Variants in HECW1 observed in about 807,000 individuals in gnomAD.
HECW1 encodes HECT, C2 and WW domain containing E3 ubiquitin protein ligase 1.
Under a neutral mutation model 182.3 loss-of-function variants are expected in HECW1, and 61 were observed. The ratio of observed to expected loss-of-function variants is 0.33; its 90% CI spans 0.27 to 0.41. The LOEUF (loss-of-function observed/expected upper bound fraction) is 0.41. HECW1 is among the 10% of genes least tolerant of loss of function. HECW1 has a pLI of 1.00. For missense variants in HECW1, 1,739 were observed against 2,108.9 expected (o/e 0.82, Z 3.44); for synonymous variants, 859 against 832.6 (o/e 1.03, Z -0.55).
intron 2 of HECW1, among the ~76,000 whole-genome samples, chr7:43,242,834 G>A (rs1799008811): frequency 6.6e-6 from 1 of 152,174 alleles, no homozygotes; most frequent in South Asian, 2.1e-4. Flanking sequence ...AGGAGCAAGG[G>A]TGCTGCACGG....
At chr7:43,554,261 G>A (rs1475915637) in intron 28 of HECW1, among the ~76,000 whole-genome samples, 1 of 151,678 alleles carries the variant, frequency 6.6e-6, no homozygotes, top group African/African-American at 2.4e-5. Context: ...GTCTCTACCA[G>A]GCCCTTCTAC....
chr7:43,138,285 C>T (rs10224940), intron 2 of HECW1, among the ~76,000 whole-genome samples: 8,735 of 152,250 alleles, frequency 0.057, 864 homozygotes, highest in African/African-American at 0.2. Context: ...TACATTTTCT[C>T]GGCTTATGTA....
At chr7:43,522,474 T>G (rs1433495963) in intron 24 of HECW1, 1 of 152,346 alleles carries the variant, frequency 6.6e-6, no homozygotes, top group Non-Finnish European at 1.5e-5. Flanking sequence ...GCCACACCTC[T>G]GTCTCCAGCC....
rs1223029919 is a variant in HECW1 at position 43,554,770 on chromosome 7, G to A, written c.4689G>A (p.Gly1563=). ...GLRRFCIEKW[G]KITSLPRAHT... The stretch of plus-strand genomic sequence containing the variant: ...GGCGCTTCTGCATAGAGAAATGGGG[G>A]AAAATTACTTCTCTCCCCAGGTACA... The change falls in exon 29 of 30, where the codon GGG becomes GGA. Residue 1563 remains glycine (G), a synonymous_variant. Transcript: ENST00000395891. The A allele has an allele frequency of 5.0e-6, 8 of 1,613,616 alleles. No homozygotes were observed. The highest frequency in any genetic ancestry group is 5.9e-6 in the Non-Finnish European group (7 of 1,179,854).
intron 7 of HECW1, among the ~76,000 whole-genome samples, chr7:43,397,415 T>C (rs2075267145): frequency 6.6e-6 from 1 of 152,238 alleles, no homozygotes; most frequent in South Asian, 2.1e-4. Context: ...CCATCTGTCA[T>C]GCATGTCTGT....
At chr7:43,330,354 G>A (rs769796577) in intron 5 of HECW1, among the ~76,000 whole-genome samples, 5 of 152,234 alleles carry the variant, frequency 3.3e-5, no homozygotes, top group Non-Finnish European at 5.9e-5. Context: ...TCCTCAACCA[G>A]GCAAGAGGCC....
chr7:43,287,921 G>C (rs1184230501), intron 3 of HECW1, among the ~76,000 whole-genome samples: 1 of 152,196 alleles, frequency 6.6e-6, no homozygotes, highest in Non-Finnish European at 1.5e-5. Context: ...AAAGAATAGA[G>C]TTACCATCTA....
At chr7:43,130,076 TA>T (rs1404462578) in intron 2 of HECW1, among the ~76,000 whole-genome samples, 1 of 152,228 alleles carries the variant, frequency 6.6e-6, no homozygotes, top group African/African-American at 2.4e-5. Flanking sequence ...AATCACACCA[TA>T]AATACAATTT....
intron 2 of HECW1, chr7:43,118,614 A>G (rs1345221651): frequency 6.6e-6 from 1 of 152,090 alleles, no homozygotes; most frequent in Non-Finnish European, 1.5e-5. Flanking sequence ...TTTTTTCTTT[A>G]CCGTTATTCA....
intron 3 of HECW1, among the ~76,000 whole-genome samples, chr7:43,293,497 A>G (rs116182372): frequency 1.3e-5 from 2 of 152,132 alleles, no homozygotes; most frequent in Admixed American, 6.5e-5. Flanking sequence ...TTACTTAAGC[A>G]TGGAAAGTTA....
rs749522923 is a variant in HECW1, at chr7:43,563,021, T to C, written c.*1095T>C. Reference sequence around the variant, plus strand: ...TTTTTTTCACATTTTTTTTTCCTTTTCCTTTCTTAATCATGGAGTTCAAGT... The same window carrying C: ...TTTTTTTCACATTTTTTTTTCCTTTCCCTTTCTTAATCATGGAGTTCAAGT... On this transcript the variant is annotated 3_prime_UTR_variant, in exon 30 of 30. Coordinates refer to ENST00000395891, the MANE Select transcript of HECW1 (RefSeq NM_015052.5). The C allele has an allele frequency of 1.5e-5, 3 of 203,242 alleles. No homozygotes were observed. Among genetic ancestry groups the C allele is most frequent in the African/African-American group, 6.9e-5 (3 of 43,684 alleles). The allele number at this position is 203,242 out of a possible 1,614,324, so 12.6% of individuals were successfully genotyped here. A position where few individuals can be genotyped will look rare whatever the true frequency, so the allele number is the denominator to read the frequency against.
intron 2 of HECW1, among the ~76,000 whole-genome samples, chr7:43,204,410 G>A (rs1409451257): frequency 6.6e-6 from 1 of 152,082 alleles, no homozygotes; most frequent in East Asian, 1.9e-4. Flanking sequence ...TTGCAAGATG[G>A]CAGTTAAAGG....
At chr7:43,287,550 C>T (rs1804811506) in intron 3 of HECW1, among the ~76,000 whole-genome samples, 1 of 152,188 alleles carries the variant, frequency 6.6e-6, no homozygotes, top group Non-Finnish European at 1.5e-5. Context: ...ATTGCCCAGG[C>T]TGGTCTCCAA....
chr7:43,216,227 C>T (rs1319395573), intron 2 of HECW1, among the ~76,000 whole-genome samples: 1 of 152,000 alleles, frequency 6.6e-6, no homozygotes, highest in Non-Finnish European at 1.5e-5. Context: ...CTCACTGCAA[C>T]CTTCGCCTTC....
chr7:43,176,328 C>T (rs545245661), intron 2 of HECW1, among the ~76,000 whole-genome samples: 82 of 152,206 alleles, frequency 5.4e-4, no homozygotes, highest in Admixed American at 3.7e-3. Flanking sequence ...AATAAGAGGT[C>T]GTGAAGCAGT....
intron 2 of HECW1, among the ~76,000 whole-genome samples, chr7:43,217,165 G>T (rs919688690): frequency 6.6e-6 from 1 of 152,044 alleles, no homozygotes; most frequent in African/African-American, 2.4e-5. Context: ...TGAAAAAAGC[G>T]AGCCCTTTAT....
intron 17 of HECW1, among the ~76,000 whole-genome samples, chr7:43,481,605 G>T (rs945630766): frequency 3.3e-5 from 5 of 152,160 alleles, no homozygotes; most frequent in Non-Finnish European, 7.4e-5. Context: ...TGATTGAATA[G>T]CCCAAATAGA....
intron 26 of HECW1, among the ~76,000 whole-genome samples, chr7:43,549,843 G>T (rs1051983539): frequency 3.3e-5 from 5 of 152,196 alleles, no homozygotes; most frequent in Non-Finnish European, 1.5e-5. Context: ...AGATTTGGGG[G>T]CATCAAGTAT....
intron 3 of HECW1, among the ~76,000 whole-genome samples, chr7:43,250,979 T>C (rs933258645): frequency 7.2e-5 from 11 of 152,146 alleles, no homozygotes; most frequent in Non-Finnish European, 2.9e-5. Context: ...GCAGCTGTGT[T>C]TTAGCCTATT....
Sources: allele counts gnomAD v4.1 joint callset (sites outside exome capture counted in the v4.1 genomes callset), GRCh38; gene constraint gnomAD v4.1.1; transcripts MANE v1.5; gene names NCBI Gene and HGNC (gene_info 2026-07-23, HGNC 2026-07-21).